ARSF: variants seen among roughly 807,000 people sequenced by gnomAD.
ARSF encodes arylsulfatase F.
ARSF carries 33 observed loss-of-function variants against 35.4 expected under a neutral mutation model. The ratio of observed to expected loss-of-function variants is 0.93; its 90% confidence interval spans 0.71 to 1.25. The LOEUF is 1.25. Ranked by LOEUF, ARSF falls within the 50% of genes most tolerant of loss-of-function variation. The pLI is 0.00. For synonymous variants in ARSF, 222 were observed against 193.1 expected (o/e 1.15, Z -1.24); for missense variants, 501 against 480.2 (o/e 1.04, Z -0.40).
intron 1 of ARSF, among the ~76,000 whole-genome samples, chrX:3,045,726 C>T (rs764378488): frequency 3.5e-4 from 38 of 107,112 alleles, no homozygotes; most frequent in South Asian, 3.0e-3. Flanking sequence ...TGGCTGATTT[C>T]GTACTTTTAG....
At chrX:3,065,635 T>TC (rs2090062013) in intron 1 of ARSF, among the ~76,000 whole-genome samples, 2 of 91,541 alleles carry the variant, frequency 2.2e-5, no homozygotes, top group African/African-American at 9.1e-5. Flanking sequence ...AGACTCTGTC[T>TC]CAAAAAAAAA....
At chrX:3,047,313 G>A (rs1278926786) in intron 1 of ARSF, among the ~76,000 whole-genome samples, 1 of 109,894 alleles carries the variant, frequency 9.1e-6, no homozygotes, top group African/African-American at 3.3e-5. Flanking sequence ...TGAGAAGCTG[G>A]GATTACAGGC....
intron 1 of ARSF, among the ~76,000 whole-genome samples, chrX:3,044,709 C>T (rs2089968058): frequency 9.1e-6 from 1 of 109,735 alleles, no homozygotes; most frequent in Admixed American, 9.9e-5. Flanking sequence ...CTCTGCTCGC[C>T]ACTCAGTAGC....
chrX:3,079,957 T>TCAA (rs1471630646), intron 4 of ARSF, among the ~76,000 whole-genome samples: 161 of 52,489 alleles, frequency 3.1e-3, no homozygotes, highest in Middle Eastern at 0.018. Context: ...AGATTTCATG[T>TCAA]CAACAACAAC....
At chrX:3,044,770 C>T (rs1256179500) in intron 1 of ARSF, among the ~76,000 whole-genome samples, 1 of 108,881 alleles carries the variant, frequency 9.2e-6, no homozygotes, top group East Asian at 2.9e-4. Flanking sequence ...TTTTCTTTTT[C>T]GTTTTTCTTC....
intron 2 of ARSF, 68 bp from the exon 3 acceptor site, chrX:3,071,958 G>A: frequency 2.7e-6 from 3 of 1,110,749 alleles, no homozygotes; most frequent in Admixed American, 4.4e-5. Context: ...GTTGTGTTGT[G>A]TTGGGAGGTG....
intron 1 of ARSF, among the ~76,000 whole-genome samples, chrX:3,067,114 TC>T (rs762169827): frequency 9.3e-6 from 1 of 107,339 alleles, no homozygotes; most frequent in South Asian, 4.2e-4. Context: ...CCTTCCTTTT[TC>T]TTTCTTAACC....
At chrX:3,083,530 C>CTAT (rs1569140900) in intron 5 of ARSF, among the ~76,000 whole-genome samples, 119 of 24,223 alleles carry the variant, frequency 4.9e-3, no homozygotes, top group East Asian at 0.027. Flanking sequence ...ATCTATCTAT[C>CTAT]CATCCATCCA....
At chrX:3,094,157 G>C (rs1001165811) in intron 7 of ARSF, among the ~76,000 whole-genome samples, 2 of 111,727 alleles carry the variant, frequency 1.8e-5, no homozygotes, top group Admixed American at 9.6e-5. Context: ...CCGGAGACGA[G>C]TATCATCTTC....
chrX:3,083,852 G>A (rs781036367), intron 5 of ARSF, among the ~76,000 whole-genome samples: 2 of 110,928 alleles, frequency 1.8e-5, no homozygotes, highest in South Asian at 7.6e-4. Flanking sequence ...TTGTCTCTGC[G>A]GTGTATCTAT....
intron 8 of ARSF, among the ~76,000 whole-genome samples, chrX:3,103,393 G>T (rs972460217): frequency 1.8e-5 from 2 of 110,623 alleles, no homozygotes; most frequent in Non-Finnish European, 3.8e-5. Context: ...TAAAATTGGG[G>T]GCTGGATACA....
At chrX:3,074,682 A>G (rs894411393) in intron 3 of ARSF, among the ~76,000 whole-genome samples, 2 of 111,578 alleles carry the variant, frequency 1.8e-5, no homozygotes, top group Non-Finnish European at 3.8e-5. Context: ...TGTGGTGAAA[A>G]TGGTGAAAAT....
intron 6 of ARSF, among the ~76,000 whole-genome samples, chrX:3,087,004 G>T (rs2090253419): frequency 9.0e-6 from 1 of 111,297 alleles, no homozygotes; most frequent in Admixed American, 9.6e-5. Context: ...TCTTGAAGCT[G>T]CCTGCATTCT....
chrX:3,092,513 C>T (rs1036654613), intron 7 of ARSF, among the ~76,000 whole-genome samples: 2 of 111,789 alleles, frequency 1.8e-5, no homozygotes, highest in Non-Finnish European at 1.9e-5. Context: ...ACTTTAATTT[C>T]GATGGGATTT....
At chrX:3,060,968 A>G (rs953402660) in intron 1 of ARSF, among the ~76,000 whole-genome samples, 1 of 111,359 alleles carries the variant, frequency 9.0e-6, no homozygotes, top group Admixed American at 9.6e-5. Flanking sequence ...AGAGAAAGCC[A>G]CAAAGATACT....
At chrX:3,092,892 G>A (rs185251487) in intron 7 of ARSF, among the ~76,000 whole-genome samples, 7 of 112,238 alleles carry the variant, frequency 6.2e-5, no homozygotes, top group Non-Finnish European at 1.1e-4. Flanking sequence ...ATCATAGGTG[G>A]CCGGGCGCGG....
intron 7 of ARSF, among the ~76,000 whole-genome samples, chrX:3,099,164 A>G (rs1347127792): frequency 8.9e-6 from 1 of 111,789 alleles, no homozygotes; most frequent in Non-Finnish European, 1.9e-5. Context: ...TGTATTTTCT[A>G]AAACAAAGAC....
intron 9 of ARSF, among the ~76,000 whole-genome samples, chrX:3,107,118 T>C (rs1358665501): frequency 8.9e-6 from 1 of 112,041 alleles, no homozygotes; most frequent in Non-Finnish European, 1.9e-5. Flanking sequence ...AAAAAGTCTG[T>C]ACATATTCAG....
At chrX:3,066,194 G>C (rs1251871565) in intron 1 of ARSF, among the ~76,000 whole-genome samples, 1 of 111,674 alleles carries the variant, frequency 9.0e-6, no homozygotes, top group Non-Finnish European at 1.9e-5. Context: ...GTTTAGAGAG[G>C]GTTATGTATG....
Sources: allele counts gnomAD v4.1 joint callset (sites outside exome capture counted in the v4.1 genomes callset), GRCh38; gene constraint gnomAD v4.1.1; transcripts MANE v1.5; gene names NCBI Gene and HGNC (gene_info 2026-07-23, HGNC 2026-07-21).